FAF1: variants seen among roughly 807,000 people sequenced by gnomAD.
The protein encoded by FAF1 is FAS-associated factor 1.
FAF1 carries 25 observed loss-of-function variants against 92.5 expected under a neutral mutation model. The observed-to-expected ratio is 0.27, with a 90% CI of 0.20 to 0.38. The LOEUF is 0.38. Ranked by LOEUF, FAF1 falls within the 10% of genes least tolerant of loss-of-function variation. The pLI is 1.00. For synonymous variants in FAF1, 234 were observed against 273.2 expected, an observed-to-expected ratio of 0.86 and a Z score of 1.42; for missense variants, 636 against 793.3, an observed-to-expected ratio of 0.80 and a Z score of 2.38.
At chr1:50,931,888 A>AAAAAT (rs1645050158) in intron 1 of FAF1, among the ~76,000 whole-genome samples, 1 of 129,502 alleles carries the variant, frequency 7.7e-6, no homozygotes, top group Admixed American at 7.9e-5. Flanking sequence ...ATAAATAAAT[A>AAAAAT]AATAATAATA....
chr1:50,675,196 T>C (rs1011191996), intron 7 of FAF1, among the ~76,000 whole-genome samples: 1 of 152,218 alleles, frequency 6.6e-6, no homozygotes, highest in African/African-American at 2.4e-5. Context: ...AGCCAGACCT[T>C]GTACATTTTC....
At chr1:50,535,127 C>T (rs1316994399) in intron 15 of FAF1, among the ~76,000 whole-genome samples, 27 of 152,070 alleles carry the variant, frequency 1.8e-4, no homozygotes, top group Non-Finnish European at 2.9e-5. Context: ...ACTTCCTGTA[C>T]CCACCCCAAA....
intron 9 of FAF1, among the ~76,000 whole-genome samples, chr1:50,589,392 T>A (rs1250186309): frequency 6.6e-6 from 1 of 152,052 alleles, no homozygotes; most frequent in East Asian, 1.9e-4. Context: ...CTCAGGTGAC[T>A]CCAGGTGGGG....
chr1:50,877,849 A>C (rs897966412), intron 1 of FAF1, among the ~76,000 whole-genome samples: 4 of 152,180 alleles, frequency 2.6e-5, no homozygotes, highest in Non-Finnish European at 5.9e-5. Context: ...AGCCAGAGGG[A>C]AAAAGCTCTC....
At chr1:50,772,779 A>G (rs1429645647) in intron 4 of FAF1, among the ~76,000 whole-genome samples, 1 of 152,158 alleles carries the variant, frequency 6.6e-6, no homozygotes, top group African/African-American at 2.4e-5. Flanking sequence ...TGATGAAATA[A>G]TCTGCACACC....
chr1:50,741,780 T>C (rs1332119734), intron 5 of FAF1, among the ~76,000 whole-genome samples: 2 of 152,226 alleles, frequency 1.3e-5, no homozygotes, highest in African/African-American at 4.8e-5. Context: ...GCTATAATCA[T>C]TGTGCTACTT....
At chr1:50,886,273 TTGA>T (rs747027641) in intron 1 of FAF1, among the ~76,000 whole-genome samples, 4 of 152,234 alleles carry the variant, frequency 2.6e-5, no homozygotes, top group Non-Finnish European at 4.4e-5. Context: ...AGGTCTGGTG[TTGA>T]TGAAATCCCT....
intron 18 of FAF1, among the ~76,000 whole-genome samples, chr1:50,447,291 C>G (rs373102999): frequency 6.6e-6 from 1 of 151,644 alleles, no homozygotes; most frequent in Non-Finnish European, 1.5e-5. Context: ...ACGCCTGGCT[C>G]ATTTTTTGTA....
intron 4 of FAF1, among the ~76,000 whole-genome samples, chr1:50,746,013 G>A (rs1259913659): frequency 6.6e-6 from 1 of 151,788 alleles, no homozygotes; most frequent in African/African-American, 2.4e-5. Context: ...GAGCTCAGAT[G>A]GAAATAAGGA....
intron 6 of FAF1, among the ~76,000 whole-genome samples, chr1:50,721,059 G>C (rs1033334179): frequency 6.6e-6 from 1 of 152,098 alleles, no homozygotes; most frequent in African/African-American, 2.4e-5. Flanking sequence ...TTATGTAAAT[G>C]CAATTTGTAC....
chr1:50,940,321 A>G (rs1645121445), intron 1 of FAF1, among the ~76,000 whole-genome samples: 1 of 152,250 alleles, frequency 6.6e-6, no homozygotes, highest in African/African-American at 2.4e-5. Context: ...TATTTTTACT[A>G]TATTATTCCA....
chr1:50,786,062 T>C (rs966793104), intron 4 of FAF1, among the ~76,000 whole-genome samples: 3 of 151,742 alleles, frequency 2.0e-5, no homozygotes, highest in Non-Finnish European at 4.4e-5. Flanking sequence ...GAGCCCAGAG[T>C]TTGAGGCTAC....
At chr1:50,639,801 G>A (rs934019635) in intron 8 of FAF1, among the ~76,000 whole-genome samples, 1 of 151,916 alleles carries the variant, frequency 6.6e-6, no homozygotes, top group Non-Finnish European at 1.5e-5. Context: ...GGGCATGGTG[G>A]CATGCACCTG....
At chr1:50,472,527 G>T (rs770142787) in intron 18 of FAF1, among the ~76,000 whole-genome samples, 3 of 151,970 alleles carry the variant, frequency 2.0e-5, no homozygotes, top group South Asian at 4.2e-4. Context: ...CTCAGTTCAG[G>T]GAATTATGCT....
At chr1:50,868,499 C>T (rs1357967436) in intron 1 of FAF1, among the ~76,000 whole-genome samples, 1 of 152,076 alleles carries the variant, frequency 6.6e-6, no homozygotes, top group African/African-American at 2.4e-5. Context: ...AAGTATAGAG[C>T]AATGATTTTA....
chr1:50,609,200 A>G (rs1051336351), intron 8 of FAF1, among the ~76,000 whole-genome samples: 1 of 152,218 alleles, frequency 6.6e-6, no homozygotes, highest in Non-Finnish European at 1.5e-5. Flanking sequence ...TTGTGAATAA[A>G]GTATAGATCA....
chr1:50,836,327 T>C (rs538283725), intron 2 of FAF1, among the ~76,000 whole-genome samples: 2 of 152,140 alleles, frequency 1.3e-5, no homozygotes, highest in South Asian at 4.2e-4. Context: ...TGAGTCACCA[T>C]GCCCAGCCAT....
At chr1:50,534,381 A>T (rs568802338) in intron 15 of FAF1, among the ~76,000 whole-genome samples, 7 of 152,244 alleles carry the variant, frequency 4.6e-5, no homozygotes, top group Admixed American at 4.6e-4. Flanking sequence ...CCCAGGTTCA[A>T]GCGATTATCC....
At chr1:50,544,034 CT>C (rs1171565043) in intron 13 of FAF1, among the ~76,000 whole-genome samples, 3 of 152,118 alleles carry the variant, frequency 2.0e-5, no homozygotes, top group Non-Finnish European at 1.5e-5. Context: ...GCTAAACTAG[CT>C]TAATGAGAAC....
Sources: gnomAD v4.1 joint callset for allele counts (sites outside exome capture counted in the v4.1 genomes callset) on GRCh38, gnomAD v4.1.1 for gene constraint, MANE v1.5 for transcripts, NCBI Gene and HGNC (gene_info 2026-07-23, HGNC 2026-07-21) for gene names.